DCAF17: variants seen among roughly 807,000 people sequenced by gnomAD.
The protein encoded by DCAF17 is DDB1- and CUL4-associated factor 17.
In DCAF17, 48 loss-of-function variants were observed where a neutral mutation model predicts 66.0. The observed-to-expected ratio is 0.73, with a 90% CI of 0.58 to 0.92. The LOEUF is 0.92. Among genes scored for constraint, DCAF17 ranks in the 40% least tolerant of loss-of-function variants. DCAF17 has a pLI of 0.00. For synonymous variants in DCAF17, 206 were observed against 214.6 expected, an observed-to-expected ratio of 0.96 and a Z score of 0.35; for missense variants, 562 against 622.8, an observed-to-expected ratio of 0.90 and a Z score of 1.04.
chr2:171,436,590 T>G (rs1222553120), intron 2 of DCAF17, among the ~76,000 whole-genome samples: 2 of 152,160 alleles, frequency 1.3e-5, no homozygotes. Context: ...TTGTATGTTA[T>G]TCTTTGGAGA....
chr2:171,437,897 GCTTACT>G (rs1484284192), intron 2 of DCAF17, among the ~76,000 whole-genome samples: 9 of 151,870 alleles, frequency 5.9e-5, no homozygotes, highest in African/African-American at 2.2e-4. Flanking sequence ...TTATTTCTTT[GCTTACT>G]TTGGATTTAA....
At chr2:171,450,063 G>A (rs1458278652) in intron 5 of DCAF17, 106 bp downstream of exon 5, 3 of 993,316 alleles carry the variant, frequency 3.0e-6, no homozygotes, top group Admixed American at 1.9e-5. Context: ...GAAGCATGCT[G>A]TAAAAGATAG....
chr2:171,468,320 C>T (rs892121664), intron 8 of DCAF17, among the ~76,000 whole-genome samples: 1 of 152,080 alleles, frequency 6.6e-6, no homozygotes, highest in African/African-American at 2.4e-5. Flanking sequence ...TGTAATAAAG[C>T]TTTCATTGTG....
chr2:171,437,756 A>G (rs1694056372), intron 2 of DCAF17, among the ~76,000 whole-genome samples: 1 of 152,210 alleles, frequency 6.6e-6, no homozygotes, highest in Non-Finnish European at 1.5e-5. Context: ...ATCGGTAGTG[A>G]TAGCCACTCT....
At chr2:171,476,092 T>C (rs1419228953) in intron 10 of DCAF17, among the ~76,000 whole-genome samples, 3 of 151,980 alleles carry the variant, frequency 2.0e-5, no homozygotes, top group Non-Finnish European at 4.4e-5. Context: ...TCTTGGTCTT[T>C]GGGAACTCTG....
intron 3 of DCAF17, among the ~76,000 whole-genome samples, chr2:171,444,942 A>G (rs1393786257): frequency 6.6e-6 from 1 of 152,134 alleles, no homozygotes; most frequent in Non-Finnish European, 1.5e-5. Context: ...AAAGCTTTTA[A>G]ACCTATGTTT....
rs80336595 is a variant in DCAF17 at position 171,434,467 on chromosome 2, G to A, written c.-111G>A. On this transcript the variant is annotated 5_prime_UTR_variant, in exon 1 of 14. Transcript: ENST00000375255. The stretch of plus-strand genomic sequence containing the variant: ...CCCGTGTCAGCTTTCCCTGGGCCCC[G>A]CCGGGAAAGTCTGGGCCTCGAAATT... 8 of 1,509,426 alleles carry A rather than the reference G, an allele frequency of 5.3e-6. 1 individual carries two copies. Among genetic ancestry groups the A allele is most frequent in the East Asian group, 2.5e-5 (1 of 39,926 alleles). The allele number at this position is 1,509,426 out of a possible 1,614,324, so 93.5% of individuals were successfully genotyped here. A position where few individuals can be genotyped will look rare whatever the true frequency, so the allele number is the denominator to read the frequency against.
At chr2:171,439,511 C>CTTTTTTTTTTTTTTTTTTTTTCT (rs374646610) in intron 2 of DCAF17, among the ~76,000 whole-genome samples, 1 of 94,776 alleles carries the variant, frequency 1.1e-5, no homozygotes, top group Non-Finnish European at 2.1e-5. Context: ...CTTTTTTTTC[C>CTTTTTTTTTTTTTTTTTTTTTCT]TTTTTTTTTT....
intron 1 of DCAF17, 57 bp from the exon 2 acceptor site, chr2:171,435,026 A>T (rs112971058): frequency 7.3e-7 from 1 of 1,361,520 alleles, no homozygotes; most frequent in Non-Finnish European, 1.0e-6. Flanking sequence ...GAAAATTTAA[A>T]ATCTAACTTA....
At chr2:171,438,161 AT>A (rs1425658904) in intron 2 of DCAF17, among the ~76,000 whole-genome samples, 1 of 152,076 alleles carries the variant, frequency 6.6e-6, no homozygotes, top group African/African-American at 2.4e-5. Flanking sequence ...ATATATTGGG[AT>A]TTTCCAGTTA....
intron 5 of DCAF17, chr2:171,450,201 G>T: frequency 2.4e-6 from 1 of 424,246 alleles, no homozygotes; most frequent in African/African-American, 2.0e-5. Flanking sequence ...AAAGGCATAA[G>T]AATGATACAA....
chr2:171,466,668 G>C (rs999559874), intron 8 of DCAF17, among the ~76,000 whole-genome samples: 6 of 150,710 alleles, frequency 4.0e-5, no homozygotes, highest in Admixed American at 3.3e-4. Flanking sequence ...TGCTACTTTT[G>C]GGTCATTTTT....
At chr2:171,469,984 C>T (rs905953087) in intron 9 of DCAF17, among the ~76,000 whole-genome samples, 1 of 151,880 alleles carries the variant, frequency 6.6e-6, no homozygotes, top group African/African-American at 2.4e-5. Context: ...GATATTTTTT[C>T]TCATTTCATG....
At chr2:171,451,608 G>A (rs1345313498) in intron 5 of DCAF17, among the ~76,000 whole-genome samples, 2 of 152,148 alleles carry the variant, frequency 1.3e-5, no homozygotes, top group African/African-American at 2.4e-5. Context: ...ACGGAGTCTC[G>A]CTTTGTTGCC....
rs779024389 is a variant in DCAF17, at chr2:171,482,699, C to G, written c.*1585C>G. ...TTTTTTAGGTGATTATTGAGTTTCT[C>G]CTTCTCCTTTAAGTCATCACCTTCC... is the stretch of plus-strand genomic sequence containing the variant. On this transcript the variant is annotated 3_prime_UTR_variant, in exon 14 of 14. Transcript: ENST00000375255. 29 of 453,262 alleles carry G rather than the reference C, an allele frequency of 6.4e-5. No homozygotes were observed. Among genetic ancestry groups the G allele is most frequent in the Non-Finnish European group, 3.1e-5 (7 of 226,670 alleles). The allele number at this position is 453,262 out of a possible 1,614,324, so 28.1% of individuals were successfully genotyped here. A position where few individuals can be genotyped will look rare whatever the true frequency, so the allele number is the denominator to read the frequency against.
chr2:171,447,020 T>G (rs1311978710), intron 3 of DCAF17, among the ~76,000 whole-genome samples: 1 of 152,152 alleles, frequency 6.6e-6, no homozygotes, highest in African/African-American at 2.4e-5. Flanking sequence ...GACAGTTAAT[T>G]TCAGCTTCGT....
Position 171,481,493 on chromosome 2 carries a change from A to G in DCAF17, c.*379A>G, listed in dbSNP as rs989154752. 34 of 456,670 alleles carry G rather than the reference A, an allele frequency of 7.4e-5. No homozygotes were observed. The highest frequency in any genetic ancestry group is 9.6e-5 in the Non-Finnish European group (22 of 228,712). The allele number at this position is 456,670 out of a possible 1,614,324, so 28.3% of individuals were successfully genotyped here. A position where few individuals can be genotyped will look rare whatever the true frequency, so the allele number is the denominator to read the frequency against. ...GTATGGAATTTTGTTTGTTAAGGCTAGGAAAGACAGGGAGAGACAAAAGTA... is the reference window on the plus strand; with the variant it reads ...GTATGGAATTTTGTTTGTTAAGGCTGGGAAAGACAGGGAGAGACAAAAGTA... On this transcript the variant is annotated 3_prime_UTR_variant, in exon 14 of 14. Transcript: ENST00000375255.
intron 8 of DCAF17, among the ~76,000 whole-genome samples, chr2:171,463,481 A>G (rs1270124519): frequency 1.3e-5 from 2 of 152,168 alleles, no homozygotes; most frequent in Non-Finnish European, 2.9e-5. Flanking sequence ...AGAGATACAG[A>G]TCAAAGGAAG....
At chr2:171,469,764 G>A (rs533738998) in intron 9 of DCAF17, among the ~76,000 whole-genome samples, 1 of 152,046 alleles carries the variant, frequency 6.6e-6, no homozygotes, top group African/African-American at 2.4e-5. Flanking sequence ...GAGTTAAGGG[G>A]GGAGTTCCAT....
Sources: allele counts gnomAD v4.1 joint callset (sites outside exome capture counted in the v4.1 genomes callset), GRCh38; gene constraint gnomAD v4.1.1; transcripts MANE v1.5; gene names NCBI Gene and HGNC (gene_info 2026-07-23, HGNC 2026-07-21).